ERMARD: variants seen among roughly 807,000 people sequenced by gnomAD.
The protein encoded by ERMARD is ER membrane associated RNA degradation.
Under a neutral mutation model 83.9 loss-of-function variants are expected in ERMARD, and 71 were observed. The observed-to-expected ratio is 0.85, with a 90% CI of 0.70 to 1.03. The LOEUF (loss-of-function observed/expected upper bound fraction) is 1.03. Among genes scored for constraint, ERMARD ranks in the 50% least tolerant of loss-of-function variants. The pLI, the probability that ERMARD is intolerant of heterozygous loss-of-function variation, is 0.00. For missense variants in ERMARD, 838 were observed against 810.9 expected, an observed-to-expected ratio of 1.03 and a Z score of -0.41; for synonymous variants, 284 against 298.6, an observed-to-expected ratio of 0.95 and a Z score of 0.50.
chr6:169,755,541 T>C (rs1395350671), intron 3 of ERMARD, 119 bp downstream of exon 3: 8 of 1,320,542 alleles, frequency 6.1e-6, no homozygotes, highest in African/African-American at 3.0e-5. Flanking sequence ...CGGTGAAGTG[T>C]TGAGGGTTGT....
At chr6:169,752,946 G>T (rs1366857655) in intron 1 of ERMARD, 3 of 152,256 alleles carry the variant, frequency 2.0e-5, no homozygotes, top group East Asian at 3.9e-4. Flanking sequence ...GTTTATTCTT[G>T]GACAGAGTAC....
intron 9 of ERMARD, among the ~76,000 whole-genome samples, chr6:169,765,191 G>C (rs936932605): frequency 6.6e-6 from 1 of 152,208 alleles, no homozygotes; most frequent in African/African-American, 2.4e-5. Flanking sequence ...AATAAATTTG[G>C]ATATTTACTT....
intron 10 of ERMARD, 105 bp downstream of exon 10, chr6:169,766,772 T>A: frequency 8.0e-7 from 1 of 1,246,548 alleles, no homozygotes; most frequent in East Asian, 2.7e-5. Context: ...AATCATATAC[T>A]TACAGGAAAA....
At chr6:169,761,004 G>A (rs1791480485) in intron 8 of ERMARD, among the ~76,000 whole-genome samples, 1 of 151,998 alleles carries the variant, frequency 6.6e-6, no homozygotes, top group African/African-American at 2.4e-5. Context: ...AATATTTTCT[G>A]GAAGTCTTAG....
intron 9 of ERMARD, among the ~76,000 whole-genome samples, chr6:169,763,184 G>T (rs1791770765): frequency 6.6e-6 from 1 of 152,294 alleles, no homozygotes; most frequent in South Asian, 2.1e-4. Flanking sequence ...CTGCTGCTTA[G>T]TGACAGAGAT....
intron 6 of ERMARD, 29 bp downstream of exon 6, chr6:169,759,094 C>CT (rs756967567): frequency 6.0e-5 from 94 of 1,570,222 alleles, no homozygotes; most frequent in Middle Eastern, 1.7e-4. Context: ...CATTTTCTTC[C>CT]TTTTTTGGAT....
At chr6:169,765,402 G>A (rs1792074164) in intron 9 of ERMARD, among the ~76,000 whole-genome samples, 1 of 152,212 alleles carries the variant, frequency 6.6e-6, no homozygotes, top group Non-Finnish European at 1.5e-5. Context: ...GTGTCATGAG[G>A]TTTCTTCAGG....
Position 169,779,398 on chromosome 6 carries a change from T to C in ERMARD, c.1853+103T>C, listed in dbSNP as rs778955193. ...GGGCAGTGTGAGTGACACTATCCCC[T>C]TGGTGGCCCCACCGCCATCTCAGGC... On this transcript the variant is annotated intron_variant, in intron 17 of 17. Coordinates refer to ENST00000366773, the MANE Select transcript of ERMARD (RefSeq NM_018341.3). 5.1e-6 allele frequency: 5 copies of C among 989,888 alleles called. No individual in the cohort carries two copies. In the East Asian group the frequency reaches 1.2e-4, roughly 24 times the overall value. The allele number at this position is 989,888 out of a possible 1,614,324, so 61.3% of individuals were successfully genotyped here. A position where few individuals can be genotyped will look rare whatever the true frequency, so the allele number is the denominator to read the frequency against.
intron 17 of ERMARD, among the ~76,000 whole-genome samples, 171 bp downstream of exon 17, chr6:169,779,466 G>A (rs572121180): frequency 6.6e-5 from 10 of 152,076 alleles, no homozygotes; most frequent in African/African-American, 2.4e-4. Flanking sequence ...ACATCCAAAT[G>A]TCTCAAAACC....
At chr6:169,754,360 T>C (rs562238248) in intron 2 of ERMARD, among the ~76,000 whole-genome samples, 6 of 152,204 alleles carry the variant, frequency 3.9e-5, no homozygotes, top group Admixed American at 1.3e-4. Flanking sequence ...GGGTAGAAAA[T>C]GACCAGTAAT....
intron 15 of ERMARD, 165 bp downstream of exon 15, chr6:169,776,230 G>T (rs541204200): frequency 2.0e-6 from 3 of 1,522,418 alleles, no homozygotes; most frequent in East Asian, 4.9e-5. Context: ...GACAATCTCT[G>T]TGCAAGCTTG....
chr6:169,772,247 T>C (rs1793015183), intron 12 of ERMARD, among the ~76,000 whole-genome samples: 1 of 152,212 alleles, frequency 6.6e-6, no homozygotes, highest in South Asian at 2.1e-4. Flanking sequence ...GTTCACATCT[T>C]GGAACAGAAG....
chr6:169,777,632 C>T (rs1329835511), intron 16 of ERMARD, among the ~76,000 whole-genome samples: 1 of 152,144 alleles, frequency 6.6e-6, no homozygotes, highest in East Asian at 1.9e-4. Context: ...TATATATGAA[C>T]TCTATGGACA....
At position 169,763,033 on chromosome 6, in the gene ERMARD, C is replaced by T. The variant is rs773423684; in HGVS notation, c.960+502C>T. ...GAGCCCCTCCATGTGTGTACACACACGCGTACACACAGCTGTCTCAGAGTT... is the reference window on the plus strand; with the variant it reads ...GAGCCCCTCCATGTGTGTACACACATGCGTACACACAGCTGTCTCAGAGTT... On this transcript the variant is annotated intron_variant, in intron 9 of 17. Coordinates refer to ENST00000366773, the MANE Select transcript of ERMARD (RefSeq NM_018341.3). Among the ~76,000 whole-genome samples the T allele has an allele frequency of 3.9e-5, 6 of 152,300 alleles. No homozygotes were observed. In the East Asian group the frequency reaches 1.2e-3, roughly 29 times the overall value.
chr6:169,768,548 G>C (rs1792494634), intron 11 of ERMARD, among the ~76,000 whole-genome samples: 1 of 152,202 alleles, frequency 6.6e-6, no homozygotes, highest in South Asian at 2.1e-4. Context: ...ACAAGGTCAA[G>C]AGTTCAATAC....
rs148353729 is a variant in ERMARD, at chr6:169,764,323, G to A, written c.960+1792G>A. Among the ~76,000 whole-genome samples, 1,046 of 148,714 alleles carry A rather than the reference G, an allele frequency of 7.0e-3. 8 individuals are homozygous for A. Among genetic ancestry groups the A allele is most frequent in the Non-Finnish European group, 8.8e-3 (592 of 67,384 alleles). On this transcript the variant is annotated intron_variant, in intron 9 of 17. Transcript: ENST00000366773. ...TTTGTCACCCAGGCTGAAGTGCGGT[G>A]GTGCAGTCATAGCTCACTGCAGCCT...
At chr6:169,764,357 G>A (rs1197303770) in intron 9 of ERMARD, among the ~76,000 whole-genome samples, 3 of 149,846 alleles carry the variant, frequency 2.0e-5, no homozygotes, top group South Asian at 2.1e-4. Flanking sequence ...CTCAATCCCC[G>A]GGCTCAAGCG....
In ERMARD at chr6:169,766,576, T is replaced by C. The variant is rs13199463; in HGVS notation, c.961-62T>C. On this transcript the variant is annotated intron_variant, in intron 9 of 17. Coordinates refer to ENST00000366773, the MANE Select transcript of ERMARD (RefSeq NM_018341.3). ...TACCAGAATTTTTTCTTATTTTGCA[T>C]AGTGTTAGTGTATTTGTATTTTGCT... 34,753 of 1,373,702 alleles carry C rather than the reference T, an allele frequency of 0.025. 542 individuals are homozygous for C. The highest frequency in any genetic ancestry group is 0.03 in the Non-Finnish European group (30,424 of 1,017,640). 85.1% of individuals were successfully genotyped at this position (1,373,702 alleles called of 1,614,324 possible).
chr6:169,766,787 C>T (rs764964589), intron 10 of ERMARD, 120 bp downstream of exon 10: 43 of 1,136,828 alleles, frequency 3.8e-5, no homozygotes, highest in Non-Finnish European at 4.9e-5. Flanking sequence ...GGAAAATGTC[C>T]ATAGTAATAT....
Sources: gnomAD v4.1 joint callset for allele counts (sites outside exome capture counted in the v4.1 genomes callset) on GRCh38, gnomAD v4.1.1 for gene constraint, MANE v1.5 for transcripts, NCBI Gene and HGNC (gene_info 2026-07-23, HGNC 2026-07-21) for gene names.